The following B4GALNT1 variants were observed in gnomAD, a reference collection of about 807,000 sequenced individuals.
The protein encoded by B4GALNT1 is beta-1,4-N-acetyl-galactosaminyltransferase 1, also known as beta-1,4 N-acetylgalactosaminyltransferase 1.
In B4GALNT1, 43 loss-of-function variants were observed where a neutral mutation model predicts 55.2. The observed-to-expected ratio is 0.78, with a 90% confidence interval of 0.61 to 1.00. B4GALNT1 has a LOEUF of 1.00. Ranked by LOEUF, B4GALNT1 falls within the 50% of genes least tolerant of loss-of-function variation. B4GALNT1 has a pLI of 0.00. For synonymous variants in B4GALNT1, 305 were observed against 311.6 expected (o/e 0.98, Z 0.22); for missense variants, 664 against 729.7 (o/e 0.91, Z 1.04).
In B4GALNT1 at chr12:57,628,760, G is replaced by A. The variant is rs144725094; in HGVS notation, c.955C>T (p.Arg319Cys). ...VIADDSDKPE[R>C]VSGPYVEHYL... Reference sequence around the variant, plus strand: ...TGTTCCACGTAGGGGCCACTAACGCGCTCTGGCTTGTCGCTGTCGTCAGCG... The same window carrying A: ...TGTTCCACGTAGGGGCCACTAACGCACTCTGGCTTGTCGCTGTCGTCAGCG... The change falls in exon 8 of 11, where the codon CGC becomes TGC. Residue 319 changes from arginine (R) to cysteine (C), a missense_variant. Transcript: ENST00000341156. The A allele has an allele frequency of 6.8e-6, 11 of 1,614,132 alleles. No homozygotes were observed. The African/African-American group carries it at 8.0e-5, about 12-fold the overall frequency.
At chr12:57,629,932 C>T (rs1041516182) in intron 6 of B4GALNT1, 11 of 1,536,096 alleles carry the variant, frequency 7.2e-6, no homozygotes, top group Non-Finnish European at 7.0e-6. Context: ...GAGACACACC[C>T]AAGGCTCGGG....
chr12:57,630,860 C>T (rs879789615), intron 4 of B4GALNT1, 120 bp downstream of exon 4: 3 of 993,430 alleles, frequency 3.0e-6, no homozygotes, highest in Non-Finnish European at 3.0e-6. Context: ...GAGCTTAAGT[C>T]CCCCATTCAT....
In B4GALNT1 at chr12:57,628,192, T is replaced by C; in HGVS notation, c.1073A>G (p.Asp358Gly). The C allele has an allele frequency of 1.2e-6, 2 of 1,614,264 alleles. No individual in the cohort carries two copies. Among genetic ancestry groups the C allele is most frequent in the Non-Finnish European group, 8.5e-7 (1 of 1,180,042 alleles). ...TTKYVLWVDD[D>G]FVFTARTRLE... ...CCGCGTCCGCGCCGTGAAGACGAAG[T>C]CGTCGTCCACCCACAGCACGTACTT... Residue 358 changes from aspartate (D) to glycine (G), a missense_variant, in exon 9 of 11, where the codon GAC becomes GGC. By Grantham distance (94) the Asp-to-Gly change is moderately conservative. Coordinates refer to ENST00000341156, the MANE Select transcript of B4GALNT1 (RefSeq NM_001478.5).
rs1339581986 is a variant in B4GALNT1, at chr12:57,632,007, G to A, written c.126C>T (p.Pro42=). ...GLRLPLAPWA[P]PQSPRRPELP... ...GCTCGGGCCTGCGGGGGCTTTGCGG[G>A]GGCGCCCACGGCGCAAGAGGTAGCC... Residue 42 remains proline (P), a synonymous_variant, in exon 2 of 11, where the codon CCC becomes CCT. Transcript: ENST00000341156. 8 of 1,450,934 alleles carry A rather than the reference G, an allele frequency of 5.5e-6. No individual in the cohort carries two copies. Among genetic ancestry groups the A allele is most frequent in the Non-Finnish European group, 7.3e-6 (8 of 1,101,818 alleles). 89.9% of individuals were successfully genotyped at this position (1,450,934 alleles called of 1,614,324 possible). A position where few individuals can be genotyped will look rare whatever the true frequency, so the allele number is the denominator to read the frequency against.
chr12:57,626,633 G>A lies in B4GALNT1; in HGVS notation c.*111C>T, dbSNP rs532472301. The stretch of plus-strand genomic sequence containing the variant: ...TGAAAAGGAAGAGTGAGGAACTAGA[G>A]GCTCAGGGACAGCCAGTAGAGTGCT... On this transcript the variant is annotated 3_prime_UTR_variant, in exon 11 of 11. Transcript: ENST00000341156. 39 of 1,253,082 alleles carry A rather than the reference G, an allele frequency of 3.1e-5. No individual in the cohort carries two copies. The South Asian group carries it at 4.5e-4, about 14-fold the overall frequency. The allele number at this position is 1,253,082 out of a possible 1,614,324, so 77.6% of individuals were successfully genotyped here. A position where few individuals can be genotyped will look rare whatever the true frequency, so the allele number is the denominator to read the frequency against.
chr12:57,631,085 T>G lies in B4GALNT1; in HGVS notation c.385A>C (p.Ser129Arg). ...AGCAGCTGGTCAGCTGGGGACTGGC[T>G]CCTGGCAGTGGAGGAAGGAGAGGAC... ...EQEFQAFLSR[S>R]QSPADQLLIA... The change falls in exon 4 of 11, where the codon AGC (serine) becomes CGC (arginine). Residue 129 changes from serine (S) to arginine (R), a missense_variant and splice_region_variant. Physicochemically the swap from Ser to Arg is moderately radical, Grantham distance 110. Coordinates refer to ENST00000341156, the MANE Select transcript of B4GALNT1 (RefSeq NM_001478.5). 1 of 1,611,078 alleles carries G rather than the reference T, an allele frequency of 6.2e-7. No individual in the cohort carries two copies. The highest frequency in any genetic ancestry group is 8.5e-7 in the Non-Finnish European group (1 of 1,178,708).
chr12:57,625,944 A>T lies in B4GALNT1; in HGVS notation c.*800T>A. 1.9e-6 allele frequency: 1 copy of T among 515,174 alleles called. No individual in the cohort carries two copies. The highest frequency in any genetic ancestry group is 3.2e-6 in the Non-Finnish European group (1 of 310,276). The allele number at this position is 515,174 out of a possible 1,614,324, so 31.9% of individuals were successfully genotyped here. A position where few individuals can be genotyped will look rare whatever the true frequency, so the allele number is the denominator to read the frequency against. ...ACCCCTGAGAGGACTGCCACATTTC[A>T]TTAAGGAAGAGGGGTGCCTAATCTA... is the stretch of plus-strand genomic sequence containing the variant. On this transcript the variant is annotated 3_prime_UTR_variant, in exon 11 of 11. Coordinates refer to ENST00000341156, the MANE Select transcript of B4GALNT1 (RefSeq NM_001478.5).
chr12:57,632,724 C>T (rs1475665249), intron 1 of B4GALNT1, 48 bp downstream of exon 1: 3 of 176,800 alleles, frequency 1.7e-5, no homozygotes, highest in Admixed American at 6.4e-5. Flanking sequence ...GCCTCCTCCT[C>T]CTCCCCTCAC....
chr12:57,623,477 A>G lies in B4GALNT1; in HGVS notation c.*3267T>C. On this transcript the variant is annotated 3_prime_UTR_variant, in exon 11 of 11. Coordinates refer to ENST00000341156, the MANE Select transcript of B4GALNT1 (RefSeq NM_001478.5). ...TTGTCTTTTAAAAGGAATATCACAT[A>G]TCAAAGTCTCCCCCTAATATTTTTG... The G allele has an allele frequency of 2.3e-6, 1 of 437,914 alleles. No individual in the cohort carries two copies. The highest frequency in any genetic ancestry group is 4.0e-6 in the Non-Finnish European group (1 of 247,058). The allele number at this position is 437,914 out of a possible 1,614,324, so 27.1% of individuals were successfully genotyped here. A position where few individuals can be genotyped will look rare whatever the true frequency, so the allele number is the denominator to read the frequency against.
Position 57,624,939 on chromosome 12 carries a change from G to A in B4GALNT1, c.*1805C>T, listed in dbSNP as rs1884703854. On this transcript the variant is annotated 3_prime_UTR_variant, in exon 11 of 11. Transcript: ENST00000341156. Reference sequence around the variant, plus strand: ...TACTTTGGGACCCGTGGGCAGTTTCGCTGCAACCTGGAGTGGCACCTGGGG... The same window carrying A: ...TACTTTGGGACCCGTGGGCAGTTTCACTGCAACCTGGAGTGGCACCTGGGG... The A allele has an allele frequency of 5.0e-6, 8 of 1,614,050 alleles. No homozygotes were observed. The highest frequency in any genetic ancestry group is 1.3e-5 in the African/African-American group (1 of 74,898).
Position 57,624,143 on chromosome 12 carries a change from A to G in B4GALNT1, c.*2601T>C. On this transcript the variant is annotated 3_prime_UTR_variant, in exon 11 of 11. Coordinates refer to ENST00000341156, the MANE Select transcript of B4GALNT1 (RefSeq NM_001478.5). ...CCAGATTGCCCCCTCTCATCTTGTT[A>G]GCATCCCCAGCCTCTGCCCTGAACC... 6.3e-7 allele frequency: 1 copy of G among 1,579,546 alleles called. No individual in the cohort carries two copies. The highest frequency in any genetic ancestry group is 8.7e-7 in the Non-Finnish European group (1 of 1,154,046).
chr12:57,628,571 A>T, intron 8 of B4GALNT1, 142 bp downstream of exon 8: 2 of 1,076,670 alleles, frequency 1.9e-6, no homozygotes, highest in Non-Finnish European at 2.6e-6. Context: ...CGAAGCTTAC[A>T]TTCCAGGAAT....
rs1207492053 is a variant in B4GALNT1 at position 57,624,044 on chromosome 12, G to A, written c.*2700C>T. On this transcript the variant is annotated 3_prime_UTR_variant, in exon 11 of 11. Coordinates refer to ENST00000341156, the MANE Select transcript of B4GALNT1 (RefSeq NM_001478.5). ...TCAACATCTCCAGCATGCGCCAGGT[G>A]TTCTGCCAGATGCAGGAACTTCCAC... 6.2e-7 allele frequency: 1 copy of A among 1,612,638 alleles called. No homozygotes were observed. Among genetic ancestry groups the A allele is most frequent in the African/African-American group, 1.3e-5 (1 of 74,870 alleles).
rs1291797200 is a variant in B4GALNT1, at chr12:57,627,662, C to G, written c.1340G>C (p.Arg447Pro). 1 of 1,606,922 alleles carries G rather than the reference C, an allele frequency of 6.2e-7. No homozygotes were observed. The highest frequency in any genetic ancestry group is 2.2e-5 in the East Asian group (1 of 44,670). ...GAGGCGGGGGTCGAAACCGACCTCG[C>G]GCACCTTGTCAGTCCGCGCCAGGAA... ...NFFLARTDKV[R>P]EVGFDPRLSR... Residue 447 changes from arginine (R) to proline (P), a missense_variant, in exon 10 of 11, where the codon CGC becomes CCC. Transcript: ENST00000341156.
At chr12:57,632,287 G>T in intron 1 of B4GALNT1, 154 bp from the exon 2 acceptor site, 2 of 774,934 alleles carry the variant, frequency 2.6e-6, no homozygotes, top group Non-Finnish European at 4.5e-6. Flanking sequence ...GCCAGCCGCG[G>T]TTTTCCCGGT....
Position 57,625,050 on chromosome 12 carries a change from G to A in B4GALNT1, c.*1694C>T, listed in dbSNP as rs1299975080. 1.4e-5 allele frequency: 23 copies of A among 1,613,508 alleles called. No homozygotes were observed. Among genetic ancestry groups the A allele is most frequent in the Non-Finnish European group, 1.9e-5 (22 of 1,179,540 alleles). On this transcript the variant is annotated 3_prime_UTR_variant, in exon 11 of 11. Coordinates refer to ENST00000341156, the MANE Select transcript of B4GALNT1 (RefSeq NM_001478.5). ...TGGGAGGCAGGTGGGTGTTCTGAGG[G>A]GGATCCTTGTGCTCAAGGGGTGCAT...
chr12:57,624,857 A>G lies in B4GALNT1; in HGVS notation c.*1887T>C. The G allele has an allele frequency of 6.2e-7, 1 of 1,612,864 alleles. No homozygotes were observed. The highest frequency in any genetic ancestry group is 8.5e-7 in the Non-Finnish European group (1 of 1,178,950). Reference sequence around the variant, plus strand: ...CCCCAGACATTTCTCTGATCCTTTGACCTCTTAGCTCCTCCAGGTCCCGGG... The same window carrying G: ...CCCCAGACATTTCTCTGATCCTTTGGCCTCTTAGCTCCTCCAGGTCCCGGG... On this transcript the variant is annotated 3_prime_UTR_variant, in exon 11 of 11. Transcript: ENST00000341156.
intron 10 of B4GALNT1, among the ~76,000 whole-genome samples, chr12:57,627,326 G>A (rs1388022886): frequency 2.0e-5 from 3 of 151,676 alleles, no homozygotes; most frequent in Admixed American, 2.0e-4. Flanking sequence ...GATTCAACAT[G>A]GCACATGTAT....
Position 57,626,490 on chromosome 12 carries a change from G to T in B4GALNT1, c.*254C>A. 1.9e-6 allele frequency: 1 copy of T among 535,264 alleles called. No homozygotes were observed. Among genetic ancestry groups the T allele is most frequent in the South Asian group, 2.1e-5 (1 of 46,830 alleles). 33.2% of individuals were successfully genotyped at this position (535,264 alleles called of 1,614,324 possible). ...GATCCCCCCATTTCCTGCCCCATGAGAATGGGCAGGGGGAGGACTTGGCAC... is the reference window on the plus strand; with the variant it reads ...GATCCCCCCATTTCCTGCCCCATGATAATGGGCAGGGGGAGGACTTGGCAC... On this transcript the variant is annotated 3_prime_UTR_variant, in exon 11 of 11. Transcript: ENST00000341156.
Sources: gnomAD v4.1 joint callset for allele counts (sites outside exome capture counted in the v4.1 genomes callset) on GRCh38, gnomAD v4.1.1 for gene constraint, MANE v1.5 for transcripts, NCBI Gene and HGNC (gene_info 2026-07-23, HGNC 2026-07-21) for gene names.